The following DPYD variants were observed in gnomAD, a reference collection of about 807,000 sequenced individuals.
DPYD encodes dihydropyrimidine dehydrogenase, also known as dihydropyrimidine dehydrogenase [NADP(+)].
A neutral mutation model predicts 116.2 loss-of-function variants in DPYD; 109 were observed. That is an observed-to-expected ratio of 0.94 (90% CI 0.80 to 1.10). DPYD has a LOEUF of 1.10. Among genes scored for constraint, DPYD ranks in the 50% least tolerant of loss-of-function variants. DPYD has a pLI of 0.00. For synonymous variants in DPYD, 440 were observed against 432.0 expected (o/e 1.02, Z -0.23); for missense variants, 1,302 against 1,254.5 (o/e 1.04, Z -0.57).
At chr1:97,387,243 T>G (rs1378649133) in intron 14 of DPYD, among the ~76,000 whole-genome samples, 1 of 152,102 alleles carries the variant, frequency 6.6e-6, no homozygotes, top group Non-Finnish European at 1.5e-5. Context: ...GGTGGGAGAT[T>G]CAATGTCACC....
At chr1:97,394,988 C>T (rs890973576) in intron 14 of DPYD, among the ~76,000 whole-genome samples, 1 of 151,854 alleles carries the variant, frequency 6.6e-6, no homozygotes, top group Admixed American at 6.6e-5. Context: ...ATCAGCTAAG[C>T]ATTTGGATTT....
chr1:97,373,060 A>C lies in DPYD; in HGVS notation c.2058+501T>G, dbSNP rs182960730. On this transcript the variant is annotated intron_variant, in intron 16 of 22. Coordinates refer to ENST00000370192, the MANE Select transcript of DPYD (RefSeq NM_000110.4). ...GAAAGTATTTTAGTATGAAGGTTCC[A>C]TTTATTGTATCCAAAAATAAAAATA... Among the ~76,000 whole-genome samples, 38 of 152,330 alleles carry C rather than the reference A, an allele frequency of 2.5e-4. No individual in the cohort carries two copies. In the East Asian group the frequency reaches 6.7e-3, roughly 27 times the overall value.
At chr1:97,551,034 C>T (rs1651283289) in intron 11 of DPYD, among the ~76,000 whole-genome samples, 1 of 152,128 alleles carries the variant, frequency 6.6e-6, no homozygotes, top group African/African-American at 2.4e-5. Context: ...TTTGTCCACA[C>T]TGCTTGCCTG....
intron 16 of DPYD, among the ~76,000 whole-genome samples, chr1:97,364,537 T>A (rs1041425047): frequency 1.3e-5 from 2 of 152,050 alleles, no homozygotes; most frequent in African/African-American, 4.8e-5. Flanking sequence ...TAAACAAAAC[T>A]TTTTTTTGGA....
intron 11 of DPYD, among the ~76,000 whole-genome samples, chr1:97,550,387 A>G (rs933404867): frequency 1.1e-4 from 16 of 152,132 alleles, no homozygotes; most frequent in Non-Finnish European, 2.2e-4. Flanking sequence ...TGCTCTGTAA[A>G]GTAGTTTTGC....
intron 11 of DPYD, among the ~76,000 whole-genome samples, chr1:97,564,848 A>G (rs1652404157): frequency 1.3e-5 from 2 of 152,122 alleles, no homozygotes; most frequent in African/African-American, 4.8e-5. Flanking sequence ...TGTCTTTCTT[A>G]ATTCCAGGCC....
chr1:97,797,860 G>A (rs1373681377), intron 3 of DPYD: 3 of 152,008 alleles, frequency 2.0e-5, no homozygotes, highest in African/African-American at 4.8e-5. Flanking sequence ...GTAGGGATAT[G>A]ACTGCATCCT....
intron 16 of DPYD, among the ~76,000 whole-genome samples, chr1:97,335,131 G>A (rs1036585942): frequency 6.6e-6 from 1 of 152,052 alleles, no homozygotes; most frequent in Non-Finnish European, 1.5e-5. Flanking sequence ...GTCAGCTTTT[G>A]TAGAGGCTGC....
At chr1:97,338,383 G>A (rs1048764860) in intron 16 of DPYD, among the ~76,000 whole-genome samples, 12 of 152,098 alleles carry the variant, frequency 7.9e-5, no homozygotes, top group African/African-American at 2.9e-4. Flanking sequence ...GCAAGTGTGA[G>A]GATTCATTTA....
intron 20 of DPYD, among the ~76,000 whole-genome samples, chr1:97,134,826 G>A (rs1289102533): frequency 2.6e-5 from 4 of 152,056 alleles, no homozygotes; most frequent in Non-Finnish European, 2.9e-5. Context: ...GTAAGTTAAC[G>A]TTGCCTTTGA....
In DPYD at chr1:97,078,901, A is replaced by G. The variant is rs1465913823; in HGVS notation, c.*75T>C. 4.0e-6 allele frequency: 6 copies of G among 1,514,758 alleles called. No individual in the cohort carries two copies. The African/African-American group carries it at 4.1e-5, about 10-fold the overall frequency. 93.8% of individuals were successfully genotyped at this position (1,514,758 alleles called of 1,614,324 possible). A position where few individuals can be genotyped will look rare whatever the true frequency, so the allele number is the denominator to read the frequency against. ...TGTTTTAATTTGGAAAGAGCTGAAC[A>G]CAAGGATCATGATTTTAAAAGATCA... On this transcript the variant is annotated 3_prime_UTR_variant, in exon 23 of 23. Coordinates refer to ENST00000370192, the MANE Select transcript of DPYD (RefSeq NM_000110.4).
intron 16 of DPYD, among the ~76,000 whole-genome samples, chr1:97,317,760 T>A (rs1314688281): frequency 2.0e-5 from 3 of 151,908 alleles, no homozygotes; most frequent in Non-Finnish European, 4.4e-5. Flanking sequence ...ACATTTAGGA[T>A]GAAGAGAGTC....
intron 21 of DPYD, among the ~76,000 whole-genome samples, chr1:97,097,813 C>T (rs954355594): frequency 1.3e-5 from 2 of 152,050 alleles, no homozygotes; most frequent in African/African-American, 4.8e-5. Context: ...TGTCAGTATG[C>T]TGGTTGTGTT....
intron 7 of DPYD, among the ~76,000 whole-genome samples, chr1:97,689,158 G>T (rs1660884278): frequency 6.7e-6 from 1 of 149,502 alleles, no homozygotes; most frequent in Non-Finnish European, 1.5e-5. Context: ...TTATTCTCTT[G>T]TAACATGATA....
intron 18 of DPYD, among the ~76,000 whole-genome samples, chr1:97,244,836 A>G (rs534544917): frequency 6.6e-6 from 1 of 152,194 alleles, no homozygotes; most frequent in South Asian, 2.1e-4. Context: ...ATGGTTTTAC[A>G]TCGCAGCTAG....
intron 8 of DPYD, among the ~76,000 whole-genome samples, chr1:97,598,429 C>A (rs1056882473): frequency 9.9e-5 from 15 of 152,110 alleles, no homozygotes; most frequent in Non-Finnish European, 1.8e-4. Flanking sequence ...ATTTGACAAA[C>A]AAAACAGTTC....
chr1:97,401,517 T>C lies in DPYD; in HGVS notation c.1906-19056A>G, dbSNP rs889066863. On this transcript the variant is annotated intron_variant, in intron 14 of 22. Coordinates refer to ENST00000370192, the MANE Select transcript of DPYD (RefSeq NM_000110.4). ...TTAGTAGAGATGGGGTTTTGCCATG[T>C]TGGCCAGGCTGGTTTCAAACTCCTG... Among the ~76,000 whole-genome samples, 5 of 152,170 alleles carry C rather than the reference T, an allele frequency of 3.3e-5. No homozygotes were observed. The East Asian group carries it at 7.7e-4, about 24-fold the overall frequency.
At chr1:97,877,516 C>T (rs904666872) in intron 2 of DPYD, among the ~76,000 whole-genome samples, 4 of 151,982 alleles carry the variant, frequency 2.6e-5, no homozygotes, top group Non-Finnish European at 4.4e-5. Context: ...TATCTGCATG[C>T]TCTATACAAA....
chr1:97,469,826 C>A (rs375024319), intron 13 of DPYD, among the ~76,000 whole-genome samples: 113 of 152,094 alleles, frequency 7.4e-4, no homozygotes, highest in African/African-American at 2.6e-3. Flanking sequence ...ATCTGAACAA[C>A]TGGAAGCAAA....
Sources: gnomAD v4.1 joint callset for allele counts (sites outside exome capture counted in the v4.1 genomes callset) on GRCh38, gnomAD v4.1.1 for gene constraint, MANE v1.5 for transcripts, NCBI Gene and HGNC (gene_info 2026-07-23, HGNC 2026-07-21) for gene names.